Variants in TIPIN observed in about 807,000 individuals in gnomAD.
TIPIN encodes the protein TIMELESS interacting protein.
TIPIN carries 29 observed loss-of-function variants against 35.6 expected under a neutral mutation model. The ratio of observed to expected loss-of-function variants is 0.82; its 90% CI spans 0.61 to 1.11. The LOEUF is 1.11. Among genes scored for constraint, TIPIN ranks in the 50% most tolerant of loss-of-function variants. TIPIN has a pLI of 0.00. For missense variants in TIPIN, 296 were observed against 345.4 expected (o/e 0.86, Z 1.13); for synonymous variants, 102 against 121.5 (o/e 0.84, Z 1.06).
At chr15:66,382,916 T>C (rs901608865) in intron 1 of TIPIN, 12 of 985,044 alleles carry the variant, frequency 1.2e-5, no homozygotes, top group Admixed American at 6.2e-5. Flanking sequence ...TCAGGAAAAG[T>C]TGACAGAACC....
intron 3 of TIPIN, among the ~76,000 whole-genome samples, 175 bp downstream of exon 3, chr15:66,351,954 T>A (rs1307706966): frequency 6.6e-6 from 1 of 152,136 alleles, no homozygotes; most frequent in Non-Finnish European, 1.5e-5. Flanking sequence ...TCAAGTTTTC[T>A]AGAGTTTGGT....
At chr15:66,357,133 C>G (rs991087900), upstream of TIPIN, among the ~76,000 whole-genome samples, 4 of 152,010 alleles carry the variant, frequency 2.6e-5, no homozygotes, top group African/African-American at 7.3e-5. Context: ...ATTAGTTGCC[C>G]AGGCTGGTGT....
chr15:66,337,286 G>A (rs982435713), intron 7 of TIPIN, 105 bp from the exon 8 acceptor site: 1 of 759,962 alleles, frequency 1.3e-6, no homozygotes, highest in South Asian at 2.4e-5. Context: ...TGAAGTCTAA[G>A]ATCACTTAAT....
intron 1 of TIPIN, among the ~76,000 whole-genome samples, chr15:66,385,107 A>T (rs945921995): frequency 6.6e-6 from 1 of 152,166 alleles, no homozygotes; most frequent in Non-Finnish European, 1.5e-5. Flanking sequence ...AACCATCCTG[A>T]ATGCAACTAA....
At chr15:66,377,505 C>T (rs1482188852) in intron 1 of TIPIN, among the ~76,000 whole-genome samples, 1 of 152,074 alleles carries the variant, frequency 6.6e-6, no homozygotes, top group African/African-American at 2.4e-5. Context: ...GCTGGGACTA[C>T]AGGCGCGTGC....
chr15:66,379,941 C>T, intron 1 of TIPIN: 1 of 1,132,336 alleles, frequency 8.8e-7, no homozygotes. Flanking sequence ...GGCAAAGGAC[C>T]TGGAATTTAT....
At chr15:66,377,165 G>A (rs969319271) in intron 1 of TIPIN, among the ~76,000 whole-genome samples, 1 of 150,246 alleles carries the variant, frequency 6.7e-6, no homozygotes, top group African/African-American at 2.5e-5. Context: ...TAGTGTATGA[G>A]AATGCCTTTT....
chr15:66,345,092 G>C (rs928823006), intron 6 of TIPIN, among the ~76,000 whole-genome samples: 1 of 152,072 alleles, frequency 6.6e-6, no homozygotes, highest in African/African-American at 2.4e-5. Context: ...ACAGCATAGG[G>C]GAGTCAGAAA....
chr15:66,381,957 T>C (rs1350228680), intron 1 of TIPIN, among the ~76,000 whole-genome samples: 1 of 151,834 alleles, frequency 6.6e-6, no homozygotes, highest in Non-Finnish European at 1.5e-5. Context: ...CCCAGCTACT[T>C]GGGAGGCTGA....
intron 1 of TIPIN, among the ~76,000 whole-genome samples, chr15:66,377,860 T>A (rs2093303325): frequency 6.6e-6 from 1 of 152,102 alleles, no homozygotes; most frequent in Non-Finnish European, 1.5e-5. Flanking sequence ...CTTTTTTTTT[T>A]TCTTGAGACG....
chr15:66,376,180 T>A (rs2093296164), intron 1 of TIPIN, among the ~76,000 whole-genome samples: 1 of 152,210 alleles, frequency 6.6e-6, no homozygotes, highest in Non-Finnish European at 1.5e-5. Flanking sequence ...GCTCCATTTA[T>A]TTTGTTTCAC....
chr15:66,348,473 C>T (rs1463246441), intron 6 of TIPIN: 1 of 129,666 alleles, frequency 7.7e-6, no homozygotes, highest in East Asian at 2.2e-4. Context: ...AGTTCAAAAA[C>T]AGCCTGGCCA....
chr15:66,367,811 T>G (rs1403205194), intron 1 of TIPIN, among the ~76,000 whole-genome samples: 1 of 151,376 alleles, frequency 6.6e-6, no homozygotes, highest in East Asian at 1.9e-4. Flanking sequence ...GAACCAAATG[T>G]CCCTGTTATA....
chr15:66,373,739 T>C (rs781183377), intron 1 of TIPIN, among the ~76,000 whole-genome samples: 2 of 152,110 alleles, frequency 1.3e-5, no homozygotes, highest in Non-Finnish European at 2.9e-5. Flanking sequence ...GCTCTGTCAC[T>C]CAGGGTAGAG....
intron 1 of TIPIN, among the ~76,000 whole-genome samples, chr15:66,363,952 C>T (rs1231053572): frequency 6.6e-6 from 1 of 150,862 alleles, no homozygotes; most frequent in Non-Finnish European, 1.5e-5. Context: ...CACTGCACTC[C>T]AGCCTGGGCA....
intron 1 of TIPIN, among the ~76,000 whole-genome samples, chr15:66,364,037 C>A (rs538312731): frequency 1.3e-5 from 2 of 151,916 alleles, no homozygotes; most frequent in African/African-American, 4.8e-5. Flanking sequence ...GATCCACCCC[C>A]ATGACCCAAA....
At chr15:66,348,920 G>T in intron 6 of TIPIN, 140 bp downstream of exon 6, 1 of 661,446 alleles carries the variant, frequency 1.5e-6, no homozygotes, top group Non-Finnish European at 2.6e-6. Flanking sequence ...ACTCCAGACT[G>T]GGTGACAGAG....
chr15:66,356,521 C>A, intron 1 of TIPIN, 118 bp downstream of exon 1: 9 of 835,666 alleles, frequency 1.1e-5, no homozygotes, highest in Non-Finnish European at 1.3e-5. Context: ...CCCCTTCCTG[C>A]GACAATTAGG....
intron 4 of TIPIN, among the ~76,000 whole-genome samples, chr15:66,349,943 GGGTTTTTTTTGTTTTTTT>G (rs1003216755): frequency 1.4e-4 from 20 of 144,484 alleles, no homozygotes; most frequent in East Asian, 9.4e-4. Flanking sequence ...CTGGATACAG[GGGTTTTTTTTGTTTTTTT>G]GGTTTTTTTG....
Sources: allele counts gnomAD v4.1 joint callset (sites outside exome capture counted in the v4.1 genomes callset), GRCh38; gene constraint gnomAD v4.1.1; transcripts MANE v1.5; gene names NCBI Gene and HGNC (gene_info 2026-07-23, HGNC 2026-07-21).